SLC25A26: variants seen among roughly 807,000 people sequenced by gnomAD.
SLC25A26 encodes the protein solute carrier family 25 member 26.
Under a neutral mutation model 37.8 loss-of-function variants are expected in SLC25A26, and 36 were observed. The observed-to-expected ratio is 0.95, with a 90% CI of 0.73 to 1.26. The LOEUF (loss-of-function observed/expected upper bound fraction) is 1.26, where lower values mean the gene tolerates loss of function less well. Among genes scored for constraint, SLC25A26 ranks in the 50% most tolerant of loss-of-function variants. SLC25A26 has a pLI of 0.00. For missense variants in SLC25A26, 390 were observed against 331.1 expected (o/e 1.18, Z -1.38); for synonymous variants, 129 against 122.5 (o/e 1.05, Z -0.35).
chr3:66,322,997 G>T (rs1209603033), intron 5 of SLC25A26, among the ~76,000 whole-genome samples: 1 of 146,518 alleles, frequency 6.8e-6, no homozygotes, highest in Non-Finnish European at 1.6e-5. Flanking sequence ...GATAAGTAAG[G>T]TATTATAAAA....
intron 1 of SLC25A26, among the ~76,000 whole-genome samples, chr3:66,156,445 G>A (rs901767823): frequency 2.2e-5 from 3 of 133,664 alleles, no homozygotes; most frequent in Non-Finnish European, 3.4e-5. Flanking sequence ...CATGATATAG[G>A]GTGATAGGGC....
At chr3:66,239,816 CTTT>C (rs536690709) in intron 2 of SLC25A26, among the ~76,000 whole-genome samples, 3 of 110,166 alleles carry the variant, frequency 2.7e-5, no homozygotes, top group African/African-American at 1.0e-4. Flanking sequence ...TCCTTTCTTT[CTTT>C]TTTTTTTTTT....
chr3:66,377,720 A>G lies in SLC25A26; in HGVS notation c.738A>G (p.Ala246=), dbSNP rs772324707. The G allele has an allele frequency of 3.1e-6, 5 of 1,613,850 alleles. No individual in the cohort carries two copies. The Admixed American group carries it at 6.7e-5, about 22-fold the overall frequency. Residue 246 remains alanine (A), a synonymous_variant, in exon 10 of 10, where the codon GCA becomes GCG. Transcript: ENST00000354883. ...GLFAGVFPRM[A]AISLGGFIFL... ...TTGCAGGTGTCTTCCCTCGAATGGC[A>G]GCCATCAGTCTGGGAGGTTTCATCT... is the stretch of plus-strand genomic sequence containing the variant.
At chr3:66,209,037 G>GGGT (rs1559577467) in intron 1 of SLC25A26, among the ~76,000 whole-genome samples, 2 of 15,752 alleles carry the variant, frequency 1.3e-4, no homozygotes, top group Non-Finnish European at 2.7e-4. Context: ...CCCATATAAA[G>GGGT]GTGTATATAT....
At chr3:66,351,214 CTT>C (rs2076445406) in intron 6 of SLC25A26, among the ~76,000 whole-genome samples, 1 of 152,146 alleles carries the variant, frequency 6.6e-6, no homozygotes. Flanking sequence ...TAATGTGTCT[CTT>C]ATTGCAGAAT....
intron 1 of SLC25A26, among the ~76,000 whole-genome samples, chr3:66,150,524 G>GATATATATAT (rs57194947): frequency 1.3e-4 from 13 of 103,644 alleles, no homozygotes; most frequent in African/African-American, 4.5e-4. Context: ...TATATATAAT[G>GATATATATAT]ATATATATAT....
At chr3:66,179,383 G>T (rs996889002) in intron 1 of SLC25A26, among the ~76,000 whole-genome samples, 2 of 152,172 alleles carry the variant, frequency 1.3e-5, no homozygotes, top group South Asian at 4.1e-4. Flanking sequence ...ACACTCAGAA[G>T]TCTCCTTGTT....
intron 1 of SLC25A26, among the ~76,000 whole-genome samples, chr3:66,147,581 C>G (rs537574806): frequency 2.6e-5 from 4 of 152,046 alleles, no homozygotes; most frequent in Non-Finnish European, 4.4e-5. Flanking sequence ...ATAATGATAT[C>G]TTTTTCATTT....
rs79476384 is a variant in SLC25A26, at chr3:66,244,154, C to T, written c.300+842C>T. On this transcript the variant is annotated intron_variant, in intron 3 of 9. Transcript: ENST00000354883. ...CTTATCACTCATAGTGGTTTTGCTTCTGTGATGAAACCCTAATACTAATTG... is the reference window on the plus strand; with the variant it reads ...CTTATCACTCATAGTGGTTTTGCTTTTGTGATGAAACCCTAATACTAATTG... 3.1e-3 allele frequency among the ~76,000 whole-genome samples: 475 copies of T among 152,194 alleles called. 3 individuals are homozygous for T. Among genetic ancestry groups the T allele is most frequent in the East Asian group, 0.017 (88 of 5,178 alleles).
intron 1 of SLC25A26, among the ~76,000 whole-genome samples, chr3:66,228,543 C>T (rs782734607): frequency 1.3e-5 from 2 of 152,204 alleles, no homozygotes; most frequent in Admixed American, 1.3e-4. Context: ...CTTTTACATG[C>T]TTAACCAGAT....
At chr3:66,263,825 A>AT (rs1419677851) in intron 5 of SLC25A26, among the ~76,000 whole-genome samples, 14 of 151,884 alleles carry the variant, frequency 9.2e-5, no homozygotes, top group Non-Finnish European at 2.1e-4. Context: ...CGCCCAGTTG[A>AT]TTTTTTGTAT....
chr3:66,272,700 A>G (rs2073998292), intron 5 of SLC25A26, among the ~76,000 whole-genome samples: 1 of 152,108 alleles, frequency 6.6e-6, no homozygotes, highest in African/African-American at 2.4e-5. Flanking sequence ...GTTTGAAATT[A>G]CCTTCATTTC....
intron 5 of SLC25A26, among the ~76,000 whole-genome samples, chr3:66,304,992 G>A (rs1318860491): frequency 6.6e-6 from 1 of 152,118 alleles, no homozygotes; most frequent in Admixed American, 6.5e-5. Flanking sequence ...TGACACGGTA[G>A]TATCACTTGT....
Position 66,262,137 on chromosome 3 carries a change from TA to T in SLC25A26, c.389del (p.Asn130ThrfsTer20). 1 of 1,555,220 alleles carries T rather than the reference TA, an allele frequency of 6.4e-7. No homozygotes were observed. The highest frequency in any genetic ancestry group is 8.7e-7 in the Non-Finnish European group (1 of 1,145,244). On this transcript the variant is annotated frameshift_variant, in exon 4 of 10. Transcript: ENST00000354883. LOFTEE classifies it high-confidence loss of function. ...ASTRTFQIFS[N>X]ILYEEGIQGL... ...CTACAAGAACATTTCAGATTTTCTC[TA>T]ACATCTTATATGAAGAGGTGAGATG...
At chr3:66,160,329 T>A (rs2070339706) in intron 1 of SLC25A26, among the ~76,000 whole-genome samples, 1 of 152,160 alleles carries the variant, frequency 6.6e-6, no homozygotes, top group African/African-American at 2.4e-5. Context: ...TGACTTGATT[T>A]GTCAAATCAG....
chr3:66,150,544 TAA>T (rs1381542906), intron 1 of SLC25A26, among the ~76,000 whole-genome samples: 8 of 111,192 alleles, frequency 7.2e-5, no homozygotes, highest in Non-Finnish European at 1.1e-4. Context: ...TATATATATA[TAA>T]AATATATATA....
chr3:66,203,213 T>A (rs952825897), intron 1 of SLC25A26, among the ~76,000 whole-genome samples: 2 of 152,032 alleles, frequency 1.3e-5, no homozygotes, highest in Non-Finnish European at 1.5e-5. Context: ...AAACCTTGTT[T>A]CTATAAATAA....
At chr3:66,226,567 G>C (rs2071763958) in intron 1 of SLC25A26, among the ~76,000 whole-genome samples, 1 of 152,054 alleles carries the variant, frequency 6.6e-6, no homozygotes, top group Non-Finnish European at 1.5e-5. Flanking sequence ...TCCCACCTCA[G>C]CCTCCTGAGT....
intron 5 of SLC25A26, among the ~76,000 whole-genome samples, chr3:66,338,129 G>T (rs2076131690): frequency 6.6e-6 from 1 of 151,706 alleles, no homozygotes; most frequent in Non-Finnish European, 1.5e-5. Flanking sequence ...TTCTTCTTTT[G>T]CTCAGTATAA....
Sources: gnomAD v4.1 joint callset for allele counts (sites outside exome capture counted in the v4.1 genomes callset) on GRCh38, gnomAD v4.1.1 for gene constraint, MANE v1.5 for transcripts, NCBI Gene and HGNC (gene_info 2026-07-23, HGNC 2026-07-21) for gene names.